Variants in RMDN2 observed in about 807,000 individuals in gnomAD.
RMDN2 encodes regulator of microtubule dynamics protein 2.
Under a neutral mutation model 52.8 loss-of-function variants are expected in RMDN2, and 61 were observed. That is an observed-to-expected ratio of 1.16 (90% CI 0.94 to 1.43). The LOEUF (loss-of-function observed/expected upper bound fraction) is 1.43. Ranked by LOEUF, RMDN2 falls within the 40% of genes most tolerant of loss-of-function variation. RMDN2 has a pLI of 0.00. For synonymous variants in RMDN2, 180 were observed against 153.1 expected, an observed-to-expected ratio of 1.18 and a Z score of -1.30; for missense variants, 592 against 475.3, an observed-to-expected ratio of 1.25 and a Z score of -2.28.
At chr2:37,955,684 T>C (rs1389889399) in intron 2 of RMDN2, among the ~76,000 whole-genome samples, 1 of 152,132 alleles carries the variant, frequency 6.6e-6, no homozygotes, top group Non-Finnish European at 1.5e-5. Flanking sequence ...TGCTTCTTCC[T>C]CATTTTCTCT....
intron 10 of RMDN2, chr2:38,036,112 A>G (rs1484733851): frequency 6.6e-6 from 1 of 152,196 alleles, no homozygotes; most frequent in African/African-American, 2.4e-5. Context: ...ACTTGAAGAT[A>G]AAGAGATGCC....
chr2:37,998,058 T>G (rs937785744), intron 8 of RMDN2: 9 of 154,430 alleles, frequency 5.8e-5, no homozygotes, highest in Admixed American at 3.9e-4. Flanking sequence ...ACTATACAAC[T>G]CTAAGCAGTA....
chr2:37,952,018 ATCCCTC>A (rs767753624), intron 2 of RMDN2: 30 of 1,612,852 alleles, frequency 1.9e-5, no homozygotes, highest in Non-Finnish European at 2.4e-5. Flanking sequence ...ATTCCACAGC[ATCCCTC>A]TCAAAGTGGA....
At chr2:38,020,217 A>G (rs1415279899), downstream of RMDN2, among the ~76,000 whole-genome samples, 1 of 152,186 alleles carries the variant, frequency 6.6e-6, no homozygotes, top group African/African-American at 2.4e-5. Flanking sequence ...ATATAATGAA[A>G]TAATTATACA....
intron 2 of RMDN2, among the ~76,000 whole-genome samples, chr2:37,955,913 A>G (rs1255255920): frequency 6.6e-6 from 1 of 152,038 alleles, no homozygotes; most frequent in Non-Finnish European, 1.5e-5. Flanking sequence ...TCTGGTTGTG[A>G]TGTATAATCC....
chr2:38,005,829 GT>G (rs1439251108), intron 10 of RMDN2, among the ~76,000 whole-genome samples: 1 of 152,170 alleles, frequency 6.6e-6, no homozygotes, highest in African/African-American at 2.4e-5. Flanking sequence ...GGTTTTTATG[GT>G]TTTAGGTCTA....
chr2:37,953,836 C>T (rs1383899184), intron 2 of RMDN2, among the ~76,000 whole-genome samples: 1 of 151,976 alleles, frequency 6.6e-6, no homozygotes, highest in African/African-American at 2.4e-5. Flanking sequence ...CCAGTTTCTC[C>T]ACTACCTTGC....
chr2:37,951,931 G>A (rs1668870059), intron 2 of RMDN2: 1 of 1,613,204 alleles, frequency 6.2e-7, no homozygotes, highest in Non-Finnish European at 8.5e-7. Context: ...CAACAAAGGG[G>A]CCAATTATGT....
chr2:37,950,692 G>A, intron 2 of RMDN2: 1 of 1,174,454 alleles, frequency 8.5e-7, no homozygotes, highest in Non-Finnish European at 1.3e-6. Flanking sequence ...CATAATAACT[G>A]GATATCCTGG....
chr2:38,001,200 A>G (rs907763025), intron 8 of RMDN2, among the ~76,000 whole-genome samples: 7 of 152,250 alleles, frequency 4.6e-5, no homozygotes, highest in Non-Finnish European at 1.5e-5. Flanking sequence ...TAAGCACATA[A>G]CTAGTGCCAA....
chr2:37,999,315 T>C (rs1324816756), intron 8 of RMDN2, among the ~76,000 whole-genome samples: 1 of 152,206 alleles, frequency 6.6e-6, no homozygotes, highest in African/African-American at 2.4e-5. Context: ...ATAATAGTAC[T>C]TACCTCATAG....
In RMDN2 at chr2:37,929,701, A is replaced by G. The variant is rs199499480; in HGVS notation, c.424A>G (p.Ser142Gly). The G allele has an allele frequency of 1.5e-3, 2,201 of 1,514,970 alleles. 3 individuals carry two copies. Among genetic ancestry groups the G allele is most frequent in the Non-Finnish European group, 1.9e-3 (2,161 of 1,135,800 alleles). 93.8% of individuals were successfully genotyped at this position (1,514,970 alleles called of 1,614,324 possible). A position where few individuals can be genotyped will look rare whatever the true frequency, so the allele number is the denominator to read the frequency against. ...PTIQSSATSN[S>G]SEEAESEGGY... ...AATTCAAAGTTCAGCAACAAGTAATAGTTCAGAGGAAGCAGAAAGTGAAGG... is the reference window on the plus strand; with the variant it reads ...AATTCAAAGTTCAGCAACAAGTAATGGTTCAGAGGAAGCAGAAAGTGAAGG... Residue 142 changes from serine (S) to glycine (G), a missense_variant, in exon 2 of 11, where the codon AGT becomes GGT. By Grantham distance (56) the Ser-to-Gly change is moderately conservative (BLOSUM62 0). Transcript: ENST00000354545.
At chr2:37,983,019 C>G (rs567983075) in intron 5 of RMDN2, among the ~76,000 whole-genome samples, 1 of 152,030 alleles carries the variant, frequency 6.6e-6, no homozygotes, top group South Asian at 2.1e-4. Context: ...CTCAACTCCT[C>G]CTCCTCCTCC....
At chr2:38,011,483 A>T (rs1677989074) in intron 10 of RMDN2, among the ~76,000 whole-genome samples, 1 of 152,176 alleles carries the variant, frequency 6.6e-6, no homozygotes, top group South Asian at 2.1e-4. Flanking sequence ...GCCTCAGTAA[A>T]AAAAACCCTC....
intron 10 of RMDN2, 33 bp from the exon 11 acceptor site, chr2:38,017,153 A>G: frequency 7.2e-7 from 1 of 1,386,986 alleles, no homozygotes; most frequent in Non-Finnish European, 9.8e-7. Flanking sequence ...TGAATGCATG[A>G]AATTTCATTA....
chr2:37,941,502 C>G (rs1471352801), intron 2 of RMDN2, among the ~76,000 whole-genome samples: 1 of 152,252 alleles, frequency 6.6e-6, no homozygotes, highest in East Asian at 1.9e-4. Flanking sequence ...ACAGCCGCGC[C>G]TTCCCCCAGT....
At chr2:37,944,724 G>A (rs375364080) in intron 2 of RMDN2, among the ~76,000 whole-genome samples, 2 of 152,168 alleles carry the variant, frequency 1.3e-5, no homozygotes, top group East Asian at 3.8e-4. Context: ...CACCAGAAGA[G>A]TAGACACTTA....
intron 10 of RMDN2, among the ~76,000 whole-genome samples, chr2:38,051,142 A>G (rs1681571322): frequency 2.0e-5 from 3 of 152,242 alleles, no homozygotes; most frequent in Non-Finnish European, 4.4e-5. Context: ...ACTTGAGGGC[A>G]TGAAACCTCA....
intron 10 of RMDN2, among the ~76,000 whole-genome samples, chr2:38,039,118 G>A (rs1680798967): frequency 6.8e-6 from 1 of 147,884 alleles, no homozygotes; most frequent in Admixed American, 6.7e-5. Flanking sequence ...AATGTTCATG[G>A]ATTAAGATTA....
Sources: allele counts gnomAD v4.1 joint callset (sites outside exome capture counted in the v4.1 genomes callset), GRCh38; gene constraint gnomAD v4.1.1; transcripts MANE v1.5; gene names NCBI Gene and HGNC (gene_info 2026-07-23, HGNC 2026-07-21).